MED13: variants seen among roughly 807,000 people sequenced by gnomAD.
MED13 encodes the protein mediator of RNA polymerase II transcription subunit 13.
A neutral mutation model predicts 225.2 loss-of-function variants in MED13; 23 were observed. The observed-to-expected ratio is 0.10, with a 90% CI of 0.07 to 0.14. The LOEUF is 0.14. MED13 is among the 10% of genes least tolerant of loss of function. The pLI is 1.00. For missense variants in MED13, 2,197 were observed against 2,594.5 expected (o/e 0.85, Z 3.33); for synonymous variants, 942 against 889.2 (o/e 1.06, Z -1.06).
intron 2 of MED13, among the ~76,000 whole-genome samples, chr17:62,055,733 G>GA (rs928817197): frequency 9.9e-5 from 15 of 151,846 alleles, no homozygotes; most frequent in African/African-American, 3.4e-4. Flanking sequence ...TGAGGCAGGA[G>GA]AATCACTTGA....
chr17:61,948,360 G>A (rs1193176482), intron 28 of MED13, among the ~76,000 whole-genome samples: 4 of 152,144 alleles, frequency 2.6e-5, no homozygotes, highest in Non-Finnish European at 5.9e-5. Flanking sequence ...AGTAGGAAAA[G>A]CTCTAGATAG....
intron 5 of MED13, among the ~76,000 whole-genome samples, chr17:62,032,060 T>TTTAAA (rs2080762198): frequency 6.6e-6 from 1 of 152,010 alleles, no homozygotes; most frequent in South Asian, 2.1e-4. Flanking sequence ...ATGCCTCTAT[T>TTTAAA]TTAAAAGCCT....
intron 9 of MED13, among the ~76,000 whole-genome samples, chr17:61,999,142 T>C (rs1014414466): frequency 4.6e-5 from 7 of 152,172 alleles, no homozygotes; most frequent in Non-Finnish European, 1.0e-4. Context: ...AACTATGTTT[T>C]AGAGATCAAA....
chr17:62,001,360 C>T (rs1240792001), intron 9 of MED13, among the ~76,000 whole-genome samples: 1 of 152,194 alleles, frequency 6.6e-6, no homozygotes, highest in African/African-American at 2.4e-5. Flanking sequence ...GTCGGCCTCA[C>T]ATCACTTTCT....
At position 61,966,663 on chromosome 17, in the gene MED13, C is replaced by T. The variant is rs2080061611; in HGVS notation, c.4192-12G>A. The T allele has an allele frequency of 6.5e-7, 1 of 1,539,244 alleles. No individual in the cohort carries two copies. The highest frequency in any genetic ancestry group is 1.4e-5 in the African/African-American group (1 of 72,212). On this transcript the variant is annotated splice_polypyrimidine_tract_variant and intron_variant, in intron 18 of 29. Transcript: ENST00000397786. ...CCTAATCGACAGGACTACAAATATACATACAGAAAGCAGAATTAGTAAATT... is the reference window on the plus strand; with the variant it reads ...CCTAATCGACAGGACTACAAATATATATACAGAAAGCAGAATTAGTAAATT...
intron 8 of MED13, among the ~76,000 whole-genome samples, chr17:62,026,803 T>C (rs1298784727): frequency 1.3e-5 from 2 of 151,994 alleles, no homozygotes; most frequent in Non-Finnish European, 2.9e-5. Context: ...ACAGCCAAGA[T>C]GAGAGCCAAA....
intron 9 of MED13, among the ~76,000 whole-genome samples, chr17:62,009,697 G>A (rs913590995): frequency 6.6e-6 from 1 of 152,176 alleles, no homozygotes; most frequent in Non-Finnish European, 1.5e-5. Context: ...AATGGACATA[G>A]CCATGTTGAA....
rs746621883 is a variant in MED13, at chr17:61,982,697, G to T, written c.3306C>A (p.Ile1102=). 144 of 1,614,048 alleles carry T rather than the reference G, an allele frequency of 8.9e-5. No homozygotes were observed. Among genetic ancestry groups the T allele is most frequent in the Non-Finnish European group, 1.2e-4 (139 of 1,180,048 alleles). ...SCCICVCNMN[I]KGADVGVYIP... ...TGTAAACTCCAACATCGGCACCCTT[G>T]ATGTTCATGTTGCAAACACAGATGC... Residue 1102 remains isoleucine (I), a synonymous_variant, in exon 16 of 30, where the codon ATC becomes ATA. Coordinates refer to ENST00000397786, the MANE Select transcript of MED13 (RefSeq NM_005121.3).
At chr17:61,970,132 A>C (rs1311247905) in intron 17 of MED13, among the ~76,000 whole-genome samples, 1 of 152,204 alleles carries the variant, frequency 6.6e-6, no homozygotes, top group Non-Finnish European at 1.5e-5. Context: ...ATCCTCACAA[A>C]AAACATAAGG....
Position 61,995,186 on chromosome 17 carries a change from T to C in MED13, c.2147A>G (p.Gln716Arg), listed in dbSNP as rs1252913533. ...EFLFPDKKDR[Q>R]NSEREAGKKH... ...TTTTCCAGCTTCTCTCTCACTATTTTGTCTATCTTTTTTATCAGGAAAAAG... is the reference window on the plus strand; with the variant it reads ...TTTTCCAGCTTCTCTCTCACTATTTCGTCTATCTTTTTTATCAGGAAAAAG... Residue 716 changes from glutamine (Q) to arginine (R), a missense_variant, in exon 10 of 30, where the codon CAA becomes CGA. Around this residue, in one of 12 missense-constraint regions of MED13, gnomAD observed 884 missense variants for 918.5 expected, o/e 0.96. Coordinates refer to ENST00000397786, the MANE Select transcript of MED13 (RefSeq NM_005121.3). 1.1e-5 allele frequency: 17 copies of C among 1,613,690 alleles called. No individual in the cohort carries two copies. Among genetic ancestry groups the C allele is most frequent in the Non-Finnish European group, 1.4e-5 (17 of 1,179,890 alleles).
chr17:62,049,157 C>T (rs1394771661), intron 3 of MED13, among the ~76,000 whole-genome samples: 1 of 145,792 alleles, frequency 6.9e-6, no homozygotes, highest in Non-Finnish European at 1.5e-5. Context: ...CCCAAGATGA[C>T]TACTGTGAAA....
chr17:62,038,833 T>A (rs2080828500), intron 3 of MED13, among the ~76,000 whole-genome samples: 1 of 151,878 alleles, frequency 6.6e-6, no homozygotes, highest in African/African-American at 2.4e-5. Flanking sequence ...CCAGCTAATT[T>A]TTTTTTTCCC....
chr17:62,026,616 G>A (rs959598185), intron 8 of MED13, among the ~76,000 whole-genome samples: 2 of 151,962 alleles, frequency 1.3e-5, no homozygotes, highest in African/African-American at 4.8e-5. Flanking sequence ...AAAATAAAGG[G>A]CATTCAAATA....
intron 22 of MED13, among the ~76,000 whole-genome samples, 153 bp from the exon 23 acceptor site, chr17:61,961,243 T>C (rs1328872721): frequency 2.0e-5 from 3 of 152,130 alleles, no homozygotes; most frequent in Non-Finnish European, 4.4e-5. Flanking sequence ...ATCATAAAAA[T>C]GTTGGCAGGG....
chr17:62,024,137 C>T (rs1315740588), intron 8 of MED13, among the ~76,000 whole-genome samples: 1 of 152,094 alleles, frequency 6.6e-6, no homozygotes, highest in Non-Finnish European at 1.5e-5. Flanking sequence ...CCTGCCTCAG[C>T]CTCCTGAGTA....
At chr17:62,042,955 G>A (rs1337365899) in intron 3 of MED13, among the ~76,000 whole-genome samples, 1 of 151,894 alleles carries the variant, frequency 6.6e-6, no homozygotes, top group Middle Eastern at 3.2e-3. Context: ...TTAGAGACCA[G>A]CCTGGTCAAC....
intron 12 of MED13, 110 bp from the exon 13 acceptor site, chr17:61,985,200 T>C: frequency 1.1e-6 from 1 of 875,382 alleles, no homozygotes; most frequent in Non-Finnish European, 1.8e-6. Context: ...AAAAGTAGTA[T>C]TTTGAATCTG....
intron 3 of MED13, among the ~76,000 whole-genome samples, chr17:62,036,456 C>T (rs1324955138): frequency 6.6e-6 from 1 of 152,122 alleles, no homozygotes; most frequent in Non-Finnish European, 1.5e-5. Flanking sequence ...TCAAGTTGCG[C>T]AGAGGAGGAT....
At chr17:61,977,906 T>C (rs1284308069) in intron 16 of MED13, among the ~76,000 whole-genome samples, 1 of 152,212 alleles carries the variant, frequency 6.6e-6, no homozygotes, top group Non-Finnish European at 1.5e-5. Context: ...TCTCTCTTTC[T>C]TGTACTAAAT....
Sources: allele counts gnomAD v4.1 joint callset (sites outside exome capture counted in the v4.1 genomes callset), GRCh38; gene constraint gnomAD v4.1.1; regional missense constraint gnomAD v4.1.1; transcripts MANE v1.5; gene names NCBI Gene and HGNC (gene_info 2026-07-23, HGNC 2026-07-21).